EYA1: variants seen among roughly 807,000 people sequenced by gnomAD.
EYA1 encodes EYA transcriptional coactivator and phosphatase 1, also known as protein phosphatase EYA1.
In EYA1, 16 loss-of-function variants were observed where a neutral mutation model predicts 82.0. The ratio of observed to expected loss-of-function variants is 0.20; its 90% CI spans 0.13 to 0.30. The LOEUF is 0.30. Ranked by LOEUF, EYA1 falls within the 10% of genes least tolerant of loss-of-function variation. EYA1 has a pLI of 1.00. For synonymous variants in EYA1, 261 were observed against 264.4 expected (o/e 0.99, Z 0.12); for missense variants, 633 against 730.7 (o/e 0.87, Z 1.54).
intron 7 of EYA1, among the ~76,000 whole-genome samples, chr8:71,311,233 T>A (rs756853069): frequency 6.6e-6 from 1 of 152,188 alleles, no homozygotes; most frequent in East Asian, 1.9e-4. Context: ...TTTTAAAGGT[T>A]TGATTTCAAG....
intron 2 of EYA1, among the ~76,000 whole-genome samples, chr8:71,381,229 T>G (rs1000016247): frequency 1.3e-5 from 2 of 152,348 alleles, no homozygotes; most frequent in Admixed American, 6.5e-5. Flanking sequence ...GCACCTTTAC[T>G]TATGTTGTCC....
At chr8:71,526,201 GAAGA>G (rs946117397) in intron 2 of EYA1, among the ~76,000 whole-genome samples, 6 of 149,078 alleles carry the variant, frequency 4.0e-5, no homozygotes, top group African/African-American at 1.5e-4. Flanking sequence ...ACAGGAGAAA[GAAGA>G]GTCATATTAA....
At chr8:71,546,306 G>A (rs963603337) in intron 1 of EYA1, among the ~76,000 whole-genome samples, 2 of 152,140 alleles carry the variant, frequency 1.3e-5, no homozygotes, top group Non-Finnish European at 2.9e-5. Context: ...GTAACAAAAT[G>A]TCTGGTACAA....
intron 9 of EYA1, among the ~76,000 whole-genome samples, chr8:71,296,783 T>C (rs1819647932): frequency 6.6e-6 from 1 of 152,104 alleles, no homozygotes; most frequent in Admixed American, 6.5e-5. Flanking sequence ...TACTTTACCA[T>C]CAAAACTTCC....
chr8:71,420,404 G>T (rs7002039), intron 2 of EYA1, among the ~76,000 whole-genome samples: 24,201 of 151,886 alleles, frequency 0.16, 2,140 homozygotes, highest in African/African-American at 0.23. Context: ...GGAAAACATG[G>T]AAAAAAATTT....
At chr8:71,474,859 C>T (rs1466968121) in intron 2 of EYA1, among the ~76,000 whole-genome samples, 8 of 152,204 alleles carry the variant, frequency 5.3e-5, no homozygotes, top group East Asian at 1.9e-4. Flanking sequence ...AGGCCAGGAG[C>T]GGTGGCTCAT....
chr8:71,243,499 T>C (rs1050715155), intron 12 of EYA1, among the ~76,000 whole-genome samples: 1 of 152,202 alleles, frequency 6.6e-6, no homozygotes, highest in African/African-American at 2.4e-5. Flanking sequence ...TACCCTTAAG[T>C]GTAAAATAAA....
chr8:71,410,731 G>A (rs1444862830), intron 2 of EYA1, among the ~76,000 whole-genome samples: 4 of 150,408 alleles, frequency 2.7e-5, no homozygotes, highest in Non-Finnish European at 1.5e-5. Flanking sequence ...AATAAAAGAG[G>A]ATAGAAACAA....
intron 2 of EYA1, among the ~76,000 whole-genome samples, chr8:71,405,766 C>A (rs1031176998): frequency 1.3e-5 from 2 of 151,772 alleles, no homozygotes; most frequent in African/African-American, 4.9e-5. Context: ...TTTCCATATA[C>A]CCCTTACAAA....
chr8:71,206,993 T>C (rs916810873), intron 17 of EYA1, among the ~76,000 whole-genome samples: 17 of 152,010 alleles, frequency 1.1e-4, no homozygotes, highest in Non-Finnish European at 5.9e-5. Context: ...TGAGCTGAAG[T>C]GATCCACACA....
chr8:71,477,528 G>A (rs62507408), intron 2 of EYA1, among the ~76,000 whole-genome samples: 34,889 of 150,540 alleles, frequency 0.23, 4,347 homozygotes, highest in South Asian at 0.39. Context: ...CACTCCCTAT[G>A]TACTAGGATG....
At chr8:71,474,865 C>T (rs1451285111) in intron 2 of EYA1, among the ~76,000 whole-genome samples, 1 of 152,158 alleles carries the variant, frequency 6.6e-6, no homozygotes, top group African/African-American at 2.4e-5. Flanking sequence ...GGAGCGGTGG[C>T]TCATGCCTGT....
intron 3 of EYA1, among the ~76,000 whole-genome samples, chr8:71,338,351 G>A (rs1471113872): frequency 6.6e-6 from 1 of 152,228 alleles, no homozygotes; most frequent in Non-Finnish European, 1.5e-5. Flanking sequence ...AATAGAAGGA[G>A]AATGGTTTAC....
At chr8:71,382,920 G>T (rs1409509668) in intron 2 of EYA1, among the ~76,000 whole-genome samples, 1 of 152,064 alleles carries the variant, frequency 6.6e-6, no homozygotes, top group Admixed American at 6.5e-5. Flanking sequence ...TTGGAAGAAT[G>T]ACATGACTAA....
chr8:71,274,863 T>TGGGAGAGAGAGAGAGAGTGAGC (rs1554531259), intron 9 of EYA1, among the ~76,000 whole-genome samples: 1 of 148,964 alleles, frequency 6.7e-6, no homozygotes, highest in East Asian at 2.1e-4. Flanking sequence ...GAAGGTAAAG[T>TGGGAGAGAGAGAGAGAGTGAGC]GGGAGAGAGA....
intron 2 of EYA1, among the ~76,000 whole-genome samples, chr8:71,481,742 G>T (rs1236327833): frequency 6.6e-6 from 1 of 152,136 alleles, no homozygotes; most frequent in East Asian, 1.9e-4. Context: ...ATGGCCAGCA[G>T]CAGCAGCAAC....
rs968031990 is a variant in EYA1 at position 71,198,141 on chromosome 8, C to CTTTG, written c.*1195_*1198dup. ...ATTAATAATTCTGAGCACATGAAAA[C>CTTTG]TTTGTTAGTCTCCGATTCATGAACC... On this transcript the variant is annotated 3_prime_UTR_variant, in exon 18 of 18. Coordinates refer to ENST00000340726, the MANE Select transcript of EYA1 (RefSeq NM_000503.6). 5 of 152,468 alleles carry CTTTG rather than the reference C, an allele frequency of 3.3e-5. No homozygotes were observed. The South Asian group carries it at 8.3e-4, about 25-fold the overall frequency. The allele number at this position is 152,468 out of a possible 1,614,324, so 9.4% of individuals were successfully genotyped here. A position where few individuals can be genotyped will look rare whatever the true frequency, so the allele number is the denominator to read the frequency against.
At chr8:71,203,627 G>A (rs1345266166) in intron 17 of EYA1, among the ~76,000 whole-genome samples, 1 of 152,166 alleles carries the variant, frequency 6.6e-6, no homozygotes, top group Non-Finnish European at 1.5e-5. Flanking sequence ...TGTCAAGGTA[G>A]CAGCACTTGG....
chr8:71,269,754 T>C lies in EYA1; in HGVS notation c.1036A>G (p.Asn346Asp). 6.2e-7 allele frequency: 1 copy of C among 1,613,576 alleles called. No individual in the cohort carries two copies. Among genetic ancestry groups the C allele is most frequent in the Non-Finnish European group, 8.5e-7 (1 of 1,179,592 alleles). Residue 346 changes from asparagine (N) to aspartate (D), a missense_variant, in exon 11 of 18, where the codon AAC (asparagine) becomes GAC (aspartate). Asn to Asp is a conservative substitution (Grantham distance 23). Coordinates refer to ENST00000340726, the MANE Select transcript of EYA1 (RefSeq NM_000503.6). ...FHSLLTGSYA[N>D]RYGRDPPTSV... ...TTGGTACTCACCCTCCCATATCTGT[T>C]GGCGTAGGACCCAGTAAGCAAGGAG... is the stretch of plus-strand genomic sequence containing the variant.
Sources: gnomAD v4.1 joint callset for allele counts (sites outside exome capture counted in the v4.1 genomes callset) on GRCh38, gnomAD v4.1.1 for gene constraint, MANE v1.5 for transcripts, NCBI Gene and HGNC (gene_info 2026-07-23, HGNC 2026-07-21) for gene names.